The following CSMD1 variants were observed in gnomAD, a reference collection of about 807,000 sequenced individuals.
CSMD1 encodes the protein CUB and Sushi multiple domains 1, also known as CUB and sushi domain-containing protein 1.
A neutral mutation model predicts 417.5 loss-of-function variants in CSMD1; 213 were observed. The observed-to-expected ratio is 0.51, with a 90% CI of 0.46 to 0.57. The LOEUF is 0.57. Among genes scored for constraint, CSMD1 ranks in the 20% least tolerant of loss-of-function variants. CSMD1 has a pLI of 0.00. For synonymous variants in CSMD1, 2,862 were observed against 1,736.8 expected, an observed-to-expected ratio of 1.65 and a Z score of -16.11; for missense variants, 6,923 against 4,529.7, an observed-to-expected ratio of 1.53 and a Z score of -15.17.
chr8:4,957,675 A>G (rs1809208599), intron 1 of CSMD1, among the ~76,000 whole-genome samples: 1 of 152,236 alleles, frequency 6.6e-6, no homozygotes, highest in East Asian at 1.9e-4. Flanking sequence ...AAAAGGATAT[A>G]AAAACTCATT....
At chr8:2,941,496 T>G (rs1015252059) in intron 69 of CSMD1, among the ~76,000 whole-genome samples, 4 of 152,182 alleles carry the variant, frequency 2.6e-5, no homozygotes, top group African/African-American at 9.7e-5. Flanking sequence ...TATTTTAGAG[T>G]AGTTTGGCAT....
chr8:4,221,992 G>C (rs34015326), intron 3 of CSMD1, among the ~76,000 whole-genome samples: 6 of 151,762 alleles, frequency 4.0e-5, no homozygotes, highest in African/African-American at 7.3e-5. Context: ...TCCACCCAAC[G>C]GTCTGTCCCT....
chr8:4,938,721 C>G (rs76049850), intron 1 of CSMD1, among the ~76,000 whole-genome samples: 2,358 of 152,244 alleles, frequency 0.015, 51 homozygotes, highest in African/African-American at 0.053. Flanking sequence ...ATGATAAATT[C>G]GATCTGAAAT....
intron 2 of CSMD1, among the ~76,000 whole-genome samples, chr8:4,605,474 T>C (rs1337415185): frequency 6.6e-6 from 1 of 152,206 alleles, no homozygotes; most frequent in Non-Finnish European, 1.5e-5. Context: ...TGATTCATCT[T>C]ACCTTTATGC....
intron 7 of CSMD1, among the ~76,000 whole-genome samples, chr8:3,679,637 G>C (rs537304355): frequency 3.2e-4 from 49 of 152,120 alleles, no homozygotes; most frequent in Non-Finnish European, 5.4e-4. Context: ...AAGACAGCAA[G>C]TTAACAAGGA....
In CSMD1 at chr8:4,395,242, C is replaced by A. The variant is rs1046837362; in HGVS notation, c.415+24711G>T. ...TGGTTTTCTCCTCCCAACTGTTTAT[C>A]TTCTTTTATCTTCTCTCTTACTCCA... On this transcript the variant is annotated intron_variant, in intron 3 of 69. Transcript: ENST00000635120. Among the ~76,000 whole-genome samples, 3 of 152,164 alleles carry A rather than the reference C, an allele frequency of 2.0e-5. No individual in the cohort carries two copies. In the South Asian group the frequency reaches 6.2e-4, roughly 31 times the overall value.
At chr8:3,051,045 C>T (rs954350207) in intron 50 of CSMD1, among the ~76,000 whole-genome samples, 1 of 152,118 alleles carries the variant, frequency 6.6e-6, no homozygotes, top group African/African-American at 2.4e-5. Flanking sequence ...GTGGTGATTT[C>T]TCAAAGAACT....
chr8:4,643,488 G>C (rs565788847), intron 1 of CSMD1, among the ~76,000 whole-genome samples: 2 of 152,180 alleles, frequency 1.3e-5, no homozygotes, highest in East Asian at 3.9e-4. Flanking sequence ...ACTGGACGTA[G>C]CTATCAAGCA....
chr8:3,485,188 T>C (rs902398251), intron 11 of CSMD1, among the ~76,000 whole-genome samples: 5 of 152,166 alleles, frequency 3.3e-5, no homozygotes, highest in South Asian at 4.1e-4. Context: ...GAATATAAAC[T>C]GTGGAACATT....
intron 5 of CSMD1, among the ~76,000 whole-genome samples, chr8:3,993,893 T>A (rs17330443): frequency 0.099 from 15,054 of 152,206 alleles, 787 homozygotes; most frequent in Admixed American, 0.14. Context: ...AGATAGGCAG[T>A]GGGCGATTTC....
chr8:3,264,762 A>G (rs768906654), intron 26 of CSMD1, among the ~76,000 whole-genome samples: 2 of 152,138 alleles, frequency 1.3e-5, no homozygotes, highest in Non-Finnish European at 2.9e-5. Context: ...AAGGGTACAT[A>G]GCTAGTAAAG....
At chr8:3,251,096 T>C (rs2117031534) in intron 26 of CSMD1, among the ~76,000 whole-genome samples, 1 of 152,304 alleles carries the variant, frequency 6.6e-6, no homozygotes, top group Non-Finnish European at 1.5e-5. Context: ...TTTTGGGTTT[T>C]GTTGCCATTG....
At chr8:3,616,004 G>A (rs1337572846) in intron 8 of CSMD1, among the ~76,000 whole-genome samples, 1 of 152,064 alleles carries the variant, frequency 6.6e-6, no homozygotes, top group Non-Finnish European at 1.5e-5. Context: ...CTAGTAAAAT[G>A]ATATGCATTT....
chr8:3,865,813 T>C (rs1469814365), intron 5 of CSMD1, among the ~76,000 whole-genome samples: 3 of 152,190 alleles, frequency 2.0e-5, no homozygotes, highest in Non-Finnish European at 4.4e-5. Flanking sequence ...TTTGGTATAC[T>C]GTAAATACCC....
chr8:4,824,795 T>C (rs1255512463), intron 1 of CSMD1, among the ~76,000 whole-genome samples: 1 of 152,188 alleles, frequency 6.6e-6, no homozygotes, highest in East Asian at 1.9e-4. Flanking sequence ...AGTATTTTAA[T>C]GTACTCGGAG....
Position 4,050,080 on chromosome 8 carries a change from C to T in CSMD1, c.416-17981G>A, listed in dbSNP as rs1239741957. On this transcript the variant is annotated intron_variant, in intron 3 of 69. Coordinates refer to ENST00000635120, the MANE Select transcript of CSMD1 (RefSeq NM_033225.6). ...CTGTGGAACTTGTCTGGTGTTTTCT[C>T]ACAGTGCACCAGGTTGTGGGTTGTT... Among the ~76,000 whole-genome samples the T allele has an allele frequency of 3.3e-5, 5 of 152,224 alleles. No homozygotes were observed. The South Asian group carries it at 6.2e-4, about 19-fold the overall frequency.
chr8:4,494,927 G>A (rs868506063), intron 2 of CSMD1, among the ~76,000 whole-genome samples: 10 of 151,964 alleles, frequency 6.6e-5, no homozygotes, highest in Admixed American at 3.3e-4. Flanking sequence ...GAAAAAATAC[G>A]CAGTGATATA....
chr8:3,167,188 G>A (rs1820278714), intron 37 of CSMD1, among the ~76,000 whole-genome samples: 1 of 151,658 alleles, frequency 6.6e-6, no homozygotes, highest in South Asian at 2.1e-4. Flanking sequence ...GGGAGGCTGA[G>A]GCAGGAGAAG....
chr8:3,971,433 C>T (rs1299042330), intron 5 of CSMD1, among the ~76,000 whole-genome samples: 1 of 152,064 alleles, frequency 6.6e-6, no homozygotes, highest in African/African-American at 2.4e-5. Context: ...TTGGCCCTCT[C>T]TATAAGCTTT....
Sources: allele counts gnomAD v4.1 joint callset (sites outside exome capture counted in the v4.1 genomes callset), GRCh38; gene constraint gnomAD v4.1.1; transcripts MANE v1.5; gene names NCBI Gene and HGNC (gene_info 2026-07-23, HGNC 2026-07-21).